RAP1GAP: variants seen among roughly 807,000 people sequenced by gnomAD.
The protein encoded by RAP1GAP is rap1 GTPase-activating protein 1.
RAP1GAP carries 35 observed loss-of-function variants against 87.2 expected under a neutral mutation model. The observed-to-expected ratio is 0.40, with a 90% CI of 0.31 to 0.53. The LOEUF (loss-of-function observed/expected upper bound fraction) is 0.53, where lower values mean the gene tolerates loss of function less well. RAP1GAP is among the 20% of genes least tolerant of loss of function. The pLI is 0.48. For missense variants in RAP1GAP, 734 were observed against 898.9 expected (o/e 0.82, Z 2.35); for synonymous variants, 375 against 363.9 (o/e 1.03, Z -0.35).
intron 1 of RAP1GAP, among the ~76,000 whole-genome samples, chr1:21,655,109 C>T (rs2096806322): frequency 6.7e-6 from 1 of 150,218 alleles, no homozygotes; most frequent in Non-Finnish European, 1.5e-5. Flanking sequence ...CACTGCATTC[C>T]ACCCTGGGTG....
At position 21,599,699 on chromosome 1, in the gene RAP1GAP, C is replaced by T. The variant is rs2066601034; in HGVS notation, c.1653-82G>A. On this transcript the variant is annotated intron_variant, in intron 20 of 24. Coordinates refer to ENST00000374765, the MANE Select transcript of RAP1GAP (RefSeq NM_002885.4). Reference sequence around the variant, plus strand: ...GCCCTCACTCCCTTGCCCTCCCCAACCCGGGAGGCCCAGCTGGTAGCAGCC... The same window carrying T: ...GCCCTCACTCCCTTGCCCTCCCCAATCCGGGAGGCCCAGCTGGTAGCAGCC... The T allele has an allele frequency of 4.4e-5, 66 of 1,515,644 alleles. 1 individual carries two copies. The highest frequency in any genetic ancestry group is 3.0e-4 in the South Asian group (24 of 79,326). The allele number at this position is 1,515,644 out of a possible 1,614,324, so 93.9% of individuals were successfully genotyped here.
At chr1:21,628,025 G>T (rs182332230) in intron 2 of RAP1GAP, among the ~76,000 whole-genome samples, 74 of 152,310 alleles carry the variant, frequency 4.9e-4, no homozygotes, top group African/African-American at 1.7e-3. Flanking sequence ...AGCCTGGGCA[G>T]CTCATGGGAA....
chr1:21,628,004 A>G (rs1469844458), intron 2 of RAP1GAP, among the ~76,000 whole-genome samples: 2 of 152,190 alleles, frequency 1.3e-5, no homozygotes, highest in Non-Finnish European at 2.9e-5. Context: ...TTCCAAAAAC[A>G]TTCATCGCAG....
chr1:21,646,622 A>T (rs375067787), intron 2 of RAP1GAP, among the ~76,000 whole-genome samples: 1 of 152,036 alleles, frequency 6.6e-6, no homozygotes, highest in African/African-American at 2.4e-5. Context: ...GCCAAAGTTG[A>T]CTCTCCTCTT....
intron 7 of RAP1GAP, among the ~76,000 whole-genome samples, chr1:21,614,931 T>A (rs978494719): frequency 6.6e-6 from 1 of 152,206 alleles, no homozygotes; most frequent in African/African-American, 2.4e-5. Flanking sequence ...CATGAACACC[T>A]GTGCTCAGAG....
At position 21,597,731 on chromosome 1, in the gene RAP1GAP, GCAGA is replaced by G; in HGVS notation, c.1984-7_1984-4del. ...AGGGGGTGGCCCGGCTAACAGCCCTGCAGACAGACAGTGGTGGTGAGGCAGGTGG... is the reference window on the plus strand; with the variant it reads ...AGGGGGTGGCCCGGCTAACAGCCCTGCAGACAGTGGTGGTGAGGCAGGTGG... On this transcript the variant is annotated splice_region_variant and splice_polypyrimidine_tract_variant and intron_variant, in intron 23 of 24. Transcript: ENST00000374765. 6.2e-7 allele frequency: 1 copy of G among 1,613,584 alleles called. No homozygotes were observed. Among genetic ancestry groups the G allele is most frequent in the Non-Finnish European group, 8.5e-7 (1 of 1,179,630 alleles).
intron 10 of RAP1GAP, among the ~76,000 whole-genome samples, 180 bp from the exon 11 acceptor site, chr1:21,612,289 A>C (rs1199104319): frequency 6.6e-6 from 1 of 152,166 alleles, no homozygotes; most frequent in East Asian, 1.9e-4. Context: ...CAGAGACCTT[A>C]AGTGACTCAC....
intron 17 of RAP1GAP, 149 bp downstream of exon 17, chr1:21,608,063 AT>A: frequency 1.7e-6 from 2 of 1,202,736 alleles, no homozygotes; most frequent in Non-Finnish European, 2.3e-6. Context: ...TGCTGTGTCA[AT>A]CCCCCAGTCC....
chr1:21,611,393 G>C (rs1767440), intron 13 of RAP1GAP, 59 bp downstream of exon 13: 1 of 1,564,264 alleles, frequency 6.4e-7, no homozygotes. Flanking sequence ...AGGCTGAACA[G>C]ACAGGTGGAG....
At chr1:21,608,825 C>A (rs564020486) in intron 16 of RAP1GAP, 25 bp downstream of exon 16, 1 of 1,597,614 alleles carries the variant, frequency 6.3e-7, no homozygotes, top group South Asian at 1.1e-5. Flanking sequence ...AAGAGGGTCA[C>A]CCAGCCCTCA....
intron 2 of RAP1GAP, among the ~76,000 whole-genome samples, chr1:21,644,134 T>C (rs2095803543): frequency 6.6e-6 from 1 of 152,128 alleles, no homozygotes; most frequent in Non-Finnish European, 1.5e-5. Context: ...TTTTCTCTTG[T>C]CTCCTGAAGC....
In RAP1GAP at chr1:21,602,824, T is replaced by A; in HGVS notation, c.1518A>T (p.Ile506=). The A allele has an allele frequency of 6.2e-7, 1 of 1,609,622 alleles. No individual in the cohort carries two copies. The highest frequency in any genetic ancestry group is 8.5e-7 in the Non-Finnish European group (1 of 1,179,524). ...CCCACCTCTTCTCCTGCACCTCCTG[T>A]ATGTTCTCGATGCCAATGGCGCTGC... ...RRSSAIGIEN[I]QEVQEKRESP... Residue 506 remains isoleucine, a synonymous_variant, in exon 19 of 25, where the codon ATA becomes ATT. Coordinates refer to ENST00000374765, the MANE Select transcript of RAP1GAP (RefSeq NM_002885.4).
At chr1:21,612,145 T>C in intron 10 of RAP1GAP, 36 bp from the exon 11 acceptor site, 2 of 1,476,484 alleles carry the variant, frequency 1.4e-6, no homozygotes, top group South Asian at 2.4e-5. Context: ...AGGCTGCGTG[T>C]GCAAGCTGCC....
chr1:21,631,898 C>A (rs2486134), intron 2 of RAP1GAP, among the ~76,000 whole-genome samples: 1 of 152,146 alleles, frequency 6.6e-6, no homozygotes, highest in African/African-American at 2.4e-5. Flanking sequence ...GTCCCGTCAC[C>A]TGGCCTCCTG....
At position 21,598,491 on chromosome 1, in the gene RAP1GAP, TG is replaced by T; in HGVS notation, c.1787del (p.Ser596TyrfsTer177). Reference protein sequence around the residue: ...DGEDTGLESVSSSGTPHKRDS... With the variant: ...DGEDTGLESVXSSGTPHKRDS... ...CCCGCTTGTGGGGTGTTCCTGAGGA[TG>T]ACACGCTCTCCTGGGGAGGGGGTGG... On this transcript the variant is annotated frameshift_variant, in exon 22 of 25. Coordinates refer to ENST00000374765, the MANE Select transcript of RAP1GAP (RefSeq NM_002885.4). LOFTEE classifies it high-confidence loss of function. The T allele has an allele frequency of 6.2e-7, 1 of 1,612,402 alleles. No individual in the cohort carries two copies. The highest frequency in any genetic ancestry group is 8.5e-7 in the Non-Finnish European group (1 of 1,178,938).
Position 21,622,259 on chromosome 1 carries a change from A to G in RAP1GAP, c.-18-2209T>C. 2.4e-6 allele frequency: 1 copy of G among 409,974 alleles called. No individual in the cohort carries two copies. Among genetic ancestry groups the G allele is most frequent in the Non-Finnish European group, 4.4e-6 (1 of 229,058 alleles). 25.4% of individuals were successfully genotyped at this position (409,974 alleles called of 1,614,324 possible). On this transcript the variant is annotated intron_variant, in intron 3 of 24. Transcript: ENST00000374765. This position sits in a 1 kb window ranked among gnomAD's most constrained non-coding sequence, Gnocchi z 5.7. ...CTTGTCCGCCCGCCCTGGCTGGGGC[A>G]GAGCCGGCCGGGCTCCCCAGCAGTC... is the stretch of plus-strand genomic sequence containing the variant.
chr1:21,644,869 C>T (rs2095868124), intron 2 of RAP1GAP, among the ~76,000 whole-genome samples: 1 of 147,384 alleles, frequency 6.8e-6, no homozygotes, highest in African/African-American at 2.5e-5. Context: ...CCACTGCACC[C>T]CAGCCTGGGT....
In RAP1GAP at chr1:21,618,987, C is replaced by A. The variant is rs766072420; in HGVS notation, c.66+38G>T. On this transcript the variant is annotated intron_variant, in intron 5 of 24. Transcript: ENST00000374765. ...GGCAGCACTTCCCGGACCCCCTCCACCCCCTAGAGAGGGAGGCAGACTGCC... is the reference window on the plus strand; with the variant it reads ...GGCAGCACTTCCCGGACCCCCTCCAACCCCTAGAGAGGGAGGCAGACTGCC... 10 of 1,567,128 alleles carry A rather than the reference C, an allele frequency of 6.4e-6. No individual in the cohort carries two copies. In the Admixed American group the frequency reaches 1.6e-4, roughly 26 times the overall value.
chr1:21,617,994 AG>A (rs1350556197), intron 5 of RAP1GAP, 22 bp from the exon 6 acceptor site: 1 of 1,613,900 alleles, frequency 6.2e-7, no homozygotes, highest in African/African-American at 1.3e-5. Flanking sequence ...AAACAGGGCA[AG>A]GGTCTCTCCA....
Sources: allele counts gnomAD v4.1 joint callset (sites outside exome capture counted in the v4.1 genomes callset), GRCh38; gene constraint gnomAD v4.1.1; non-coding constraint Gnocchi (gnomAD v3.1); transcripts MANE v1.5; gene names NCBI Gene and HGNC (gene_info 2026-07-23, HGNC 2026-07-21).